Variants in BCAS3 observed in about 807,000 individuals in gnomAD.
BCAS3 encodes BCAS3 microtubule associated cell migration factor.
BCAS3 carries 53 observed loss-of-function variants against 116.1 expected under a neutral mutation model. That is an observed-to-expected ratio of 0.46 (90% CI 0.37 to 0.57). The LOEUF (loss-of-function observed/expected upper bound fraction) is 0.57, where lower values mean the gene tolerates loss of function less well. BCAS3 is among the 20% of genes least tolerant of loss of function. BCAS3 has a pLI of 0.00. For missense variants in BCAS3, 917 were observed against 1,165.4 expected (o/e 0.79, Z 3.10); for synonymous variants, 391 against 408.2 (o/e 0.96, Z 0.51).
At chr17:60,766,377 T>C (rs2044094891) in intron 6 of BCAS3, among the ~76,000 whole-genome samples, 1 of 152,182 alleles carries the variant, frequency 6.6e-6, no homozygotes, top group African/African-American at 2.4e-5. Flanking sequence ...GGGGTTTTGA[T>C]GTGGATGTCC....
At chr17:61,109,513 G>C (rs1446525683) in intron 22 of BCAS3, among the ~76,000 whole-genome samples, 1 of 152,150 alleles carries the variant, frequency 6.6e-6, no homozygotes, top group Non-Finnish European at 1.5e-5. Flanking sequence ...AGTTCTTTAA[G>C]GAATTGCCAC....
intron 7 of BCAS3, among the ~76,000 whole-genome samples, chr17:60,842,744 T>A (rs1425590975): frequency 7.9e-5 from 12 of 152,156 alleles, no homozygotes; most frequent in Admixed American, 7.2e-4. Context: ...TTCTTCTATC[T>A]CCTTGGATTC....
At chr17:60,880,533 CCT>C (rs1452992779) in intron 9 of BCAS3, among the ~76,000 whole-genome samples, 22 of 152,184 alleles carry the variant, frequency 1.4e-4, no homozygotes, top group Non-Finnish European at 7.3e-5. Context: ...CATGATCCGT[CCT>C]CCTTGGCCTC....
intron 6 of BCAS3, 91 bp from the exon 7 acceptor site, chr17:60,807,913 T>C: frequency 3.4e-6 from 3 of 876,162 alleles, no homozygotes; most frequent in South Asian, 1.7e-5. Context: ...TGAATACTTC[T>C]CCTTTTCAAG....
intron 7 of BCAS3, 114 bp downstream of exon 7, chr17:60,808,190 GAGA>G (rs1039063783): frequency 1.7e-5 from 12 of 723,008 alleles, no homozygotes; most frequent in Non-Finnish European, 2.1e-5. Context: ...TCTCATAAGA[GAGA>G]AGAAGAAGAA....
chr17:60,976,742 G>A (rs1173714862), intron 14 of BCAS3, among the ~76,000 whole-genome samples: 1 of 152,122 alleles, frequency 6.6e-6, no homozygotes, highest in African/African-American at 2.4e-5. Flanking sequence ...GTTTCAGAGA[G>A]CACGGGGTTG....
chr17:61,197,397 A>G (rs898662832), intron 22 of BCAS3, among the ~76,000 whole-genome samples: 10 of 152,246 alleles, frequency 6.6e-5, no homozygotes, highest in Admixed American at 1.3e-4. Flanking sequence ...GGATGAGCTC[A>G]TGATATCAGA....
rs1410764944 is a variant in BCAS3, at chr17:61,134,834, A to C, written c.2425+50270A>C. On this transcript the variant is annotated intron_variant, in intron 22 of 23. Coordinates refer to ENST00000407086, the MANE Select transcript of BCAS3 (RefSeq NM_017679.5). The surrounding 1 kb of genome is among the most constrained non-coding windows in gnomAD (Gnocchi z 4.6). Reference sequence around the variant, plus strand: ...AAGAGTCAGCCACATCAAAGATCCAAAACACGGGTTTTAAGATTTCAAATG... The same window carrying C: ...AAGAGTCAGCCACATCAAAGATCCACAACACGGGTTTTAAGATTTCAAATG... Among the ~76,000 whole-genome samples the C allele has an allele frequency of 6.6e-6, 1 of 152,186 alleles. No individual in the cohort carries two copies. Among genetic ancestry groups the C allele is most frequent in the Non-Finnish European group, 1.5e-5 (1 of 68,024 alleles).
chr17:61,074,142 C>T (rs1466642373), intron 19 of BCAS3, among the ~76,000 whole-genome samples: 11 of 135,286 alleles, frequency 8.1e-5, no homozygotes, highest in Admixed American at 2.9e-4. Context: ...AGATTAAATA[C>T]AATCATGTAT....
chr17:61,103,670 T>TA (rs1268593846), intron 22 of BCAS3, among the ~76,000 whole-genome samples: 2 of 152,206 alleles, frequency 1.3e-5, no homozygotes, highest in Non-Finnish European at 2.9e-5. Context: ...CACTCCATCT[T>TA]ACTCTGTCTT....
intron 4 of BCAS3, among the ~76,000 whole-genome samples, chr17:60,697,308 C>T (rs2035721932): frequency 6.6e-6 from 1 of 152,070 alleles, no homozygotes; most frequent in Admixed American, 6.6e-5. Context: ...TGCCTGTAAT[C>T]CCAGTGCTTT....
intron 6 of BCAS3, among the ~76,000 whole-genome samples, chr17:60,757,360 AAAT>A (rs1415571943): frequency 2.8e-4 from 41 of 146,742 alleles, no homozygotes; most frequent in South Asian, 1.1e-3. Flanking sequence ...ATAAATAAAT[AAAT>A]GAGTTTCTCT....
intron 11 of BCAS3, among the ~76,000 whole-genome samples, chr17:60,908,061 A>G (rs1011478513): frequency 1.3e-4 from 20 of 152,174 alleles, no homozygotes; most frequent in African/African-American, 4.1e-4. Flanking sequence ...AAATAGTAGT[A>G]TCTTGTAACT....
rs914449641 is a variant in BCAS3, at chr17:61,105,330, A to G, written c.2425+20766A>G. ...CTAGGAGGAGCTAGTTCCATTTGTG[A>G]GGTTTTCAATAAAACTTAAGTGGAA... On this transcript the variant is annotated intron_variant, in intron 22 of 23. Transcript: ENST00000407086. This position sits in a 1 kb window ranked among gnomAD's most constrained non-coding sequence, Gnocchi z 4.3. Among the ~76,000 whole-genome samples, 2 of 152,166 alleles carry G rather than the reference A, an allele frequency of 1.3e-5. No individual in the cohort carries two copies. The highest frequency in any genetic ancestry group is 1.3e-4 in the Admixed American group (2 of 15,288).
chr17:61,115,755 C>G (rs1394160743), intron 22 of BCAS3, among the ~76,000 whole-genome samples: 2 of 147,996 alleles, frequency 1.4e-5, no homozygotes, highest in African/African-American at 2.5e-5. Flanking sequence ...ATACCCAAAG[C>G]ACTATAAATC....
Position 61,265,692 on chromosome 17 carries a change from C to CT in BCAS3, c.2426-102629dup, listed in dbSNP as rs1555800196. On this transcript the variant is annotated intron_variant, in intron 22 of 23. Coordinates refer to ENST00000407086, the MANE Select transcript of BCAS3 (RefSeq NM_017679.5). This position sits in a 1 kb window ranked among gnomAD's most constrained non-coding sequence, Gnocchi z 4.3. ...GATTTAACTATGTAACACCATCATT[C>CT]TTTTTTCCCCCCCATCAAGTAGTAT... 1.2e-4 allele frequency among the ~76,000 whole-genome samples: 10 copies of CT among 80,766 alleles called. No individual in the cohort carries two copies. Among genetic ancestry groups the CT allele is most frequent in the African/African-American group, 3.0e-4 (9 of 30,464 alleles). 53.0% of individuals were successfully genotyped at this position (80,766 alleles called of 152,430 possible).
At chr17:60,752,513 T>A (rs1359835872) in intron 6 of BCAS3, among the ~76,000 whole-genome samples, 2 of 152,054 alleles carry the variant, frequency 1.3e-5, no homozygotes, top group East Asian at 3.9e-4. Context: ...AAGCTCCGTC[T>A]GCTAGGTTCA....
At chr17:61,375,798 C>T (rs1014141567) in intron 23 of BCAS3, among the ~76,000 whole-genome samples, 4 of 152,134 alleles carry the variant, frequency 2.6e-5, no homozygotes, top group African/African-American at 9.7e-5. Flanking sequence ...ATCTCAGACT[C>T]CTGACCTCAG....
chr17:61,264,748 A>G (rs2049528445), intron 22 of BCAS3, among the ~76,000 whole-genome samples: 1 of 152,168 alleles, frequency 6.6e-6, no homozygotes, highest in Non-Finnish European at 1.5e-5. Context: ...GTGAAATAAA[A>G]CCAGATTGCA....
Sources: allele counts gnomAD v4.1 joint callset (sites outside exome capture counted in the v4.1 genomes callset), GRCh38; gene constraint gnomAD v4.1.1; non-coding constraint Gnocchi (gnomAD v3.1); transcripts MANE v1.5; gene names NCBI Gene and HGNC (gene_info 2026-07-23, HGNC 2026-07-21).